Variants in PNLIPRP3 observed in about 807,000 individuals in gnomAD.
The protein encoded by PNLIPRP3 is pancreatic lipase related protein 3, also known as pancreatic lipase-related protein 3.
In PNLIPRP3, 58 loss-of-function variants were observed where a neutral mutation model predicts 52.8. That is an observed-to-expected ratio of 1.10 (90% CI 0.89 to 1.37). The LOEUF (loss-of-function observed/expected upper bound fraction) is 1.37, where lower values mean the gene tolerates loss of function less well. PNLIPRP3 is among the 40% of genes most tolerant of loss of function. PNLIPRP3 has a pLI of 0.00. For synonymous variants in PNLIPRP3, 192 were observed against 185.0 expected, an observed-to-expected ratio of 1.04 and a Z score of -0.31; for missense variants, 593 against 561.6, an observed-to-expected ratio of 1.06 and a Z score of -0.57.
intron 2 of PNLIPRP3, among the ~76,000 whole-genome samples, chr10:116,439,093 G>A (rs1463264709): frequency 6.6e-6 from 1 of 152,176 alleles, no homozygotes; most frequent in Non-Finnish European, 1.5e-5. Flanking sequence ...CAGTTCTGGA[G>A]AAAGATGGTA....
chr10:116,446,499 G>A (rs1167420516), intron 4 of PNLIPRP3, among the ~76,000 whole-genome samples: 1 of 151,954 alleles, frequency 6.6e-6, no homozygotes, highest in Non-Finnish European at 1.5e-5. Context: ...ATAACTGGTG[G>A]AAAAAAATGG....
chr10:116,458,535 G>A (rs1296943785), intron 5 of PNLIPRP3, among the ~76,000 whole-genome samples: 4 of 151,290 alleles, frequency 2.6e-5, no homozygotes, highest in Admixed American at 1.3e-4. Flanking sequence ...TTCTCTCCAG[G>A]AATCCTGACT....
At chr10:116,465,539 A>C (rs372365620) in intron 7 of PNLIPRP3, among the ~76,000 whole-genome samples, 23 of 149,520 alleles carry the variant, frequency 1.5e-4, no homozygotes, top group South Asian at 1.3e-3. Flanking sequence ...CATCTAAAAA[A>C]AAAACAAAAC....
intron 1 of PNLIPRP3, 133 bp downstream of exon 1, chr10:116,428,194 G>T: frequency 4.7e-6 from 3 of 640,038 alleles, no homozygotes; most frequent in Non-Finnish European, 7.9e-6. Flanking sequence ...TTGTTTTTAT[G>T]AATATGTTTA....
chr10:116,476,615 C>T (rs1422559892), intron 10 of PNLIPRP3, 37 bp from the exon 11 acceptor site: 2 of 1,495,512 alleles, frequency 1.3e-6, no homozygotes, highest in Non-Finnish European at 1.8e-6. Flanking sequence ...GCTGTGAATA[C>T]CCAGTGCAAA....
chr10:116,434,658 A>G (rs968981780), intron 1 of PNLIPRP3, among the ~76,000 whole-genome samples: 4 of 152,196 alleles, frequency 2.6e-5, no homozygotes, highest in African/African-American at 4.8e-5. Context: ...AGTTATAAAA[A>G]TCTTCATTTT....
At position 116,461,413 on chromosome 10, in the gene PNLIPRP3, T is replaced by G. The variant is rs1589986884; in HGVS notation, c.808+123T>G. On this transcript the variant is annotated intron_variant, in intron 7 of 11. Transcript: ENST00000369230. ...AATGTATTTTCTCTCAAAACACAGT[T>G]GCATATAAGAAGCTCTCCCACCTGT... The G allele has an allele frequency of 4.1e-6, 5 of 1,217,842 alleles. No homozygotes were observed. In the East Asian group the frequency reaches 1.2e-4, roughly 30 times the overall value. The allele number at this position is 1,217,842 out of a possible 1,614,324, so 75.4% of individuals were successfully genotyped here.
Position 116,477,098 on chromosome 10 carries a change from T to G in PNLIPRP3, c.1349T>G (p.Phe450Cys). The change falls in exon 12 of 12, where the codon TTC (phenylalanine) becomes TGC (cysteine). Residue 450 changes from phenylalanine to cysteine, a missense_variant. Physicochemically the swap from Phe to Cys is radical, Grantham distance 205. Transcript: ENST00000369230. Reference sequence around the variant, plus strand: ...TCCTTAAAAACTTTCAGATCTACCTTCTGTAGCCAAGACATTATGGGACCT... The same window carrying G: ...TCCTTAAAAACTTTCAGATCTACCTGCTGTAGCCAAGACATTATGGGACCT... ...TSGKYGYKST[F>C]CSQDIMGPNI... is the part of the protein sequence containing the mutation. 1 of 1,593,192 alleles carries G rather than the reference T, an allele frequency of 6.3e-7. No homozygotes were observed. The highest frequency in any genetic ancestry group is 2.2e-5 in the East Asian group (1 of 44,592).
chr10:116,461,091 T>A lies in PNLIPRP3; in HGVS notation c.685+6T>A. ...TCGCATCCTCTTTGAGCTTGGTAAG[T>A]TTTAACAGAATCAGAAACTTCATTG... On this transcript the variant is annotated splice_donor_region_variant and intron_variant, in intron 6 of 11. Transcript: ENST00000369230. The A allele has an allele frequency of 1.2e-6, 2 of 1,614,156 alleles. No homozygotes were observed. Among genetic ancestry groups the A allele is most frequent in the Non-Finnish European group, 1.7e-6 (2 of 1,180,022 alleles).
chr10:116,471,319 A>G lies in PNLIPRP3; in HGVS notation c.1061-449A>G, dbSNP rs143290332. Among the ~76,000 whole-genome samples, 227 of 152,312 alleles carry G rather than the reference A, an allele frequency of 1.5e-3. 1 individual carries two copies. The highest frequency in any genetic ancestry group is 5.2e-3 in the African/African-American group (215 of 41,568). On this transcript the variant is annotated intron_variant, in intron 9 of 11. Coordinates refer to ENST00000369230, the MANE Select transcript of PNLIPRP3 (RefSeq NM_001011709.3). The stretch of plus-strand genomic sequence containing the variant: ...AAGAAGAATGACTCACTTTGCCTCT[A>G]AATGATTATAAAAGCATACATCTTC...
chr10:116,434,954 T>C (rs1845754021), intron 1 of PNLIPRP3, among the ~76,000 whole-genome samples: 1 of 152,066 alleles, frequency 6.6e-6, no homozygotes, highest in Non-Finnish European at 1.5e-5. Context: ...ACACAAACAG[T>C]ACAAGAGAGG....
In PNLIPRP3 at chr10:116,469,361, T is replaced by C. The variant is rs1338923436; in HGVS notation, c.1060+44T>C. 2.6e-6 allele frequency: 4 copies of C among 1,525,214 alleles called. No homozygotes were observed. The South Asian group carries it at 3.9e-5, about 15-fold the overall frequency. The allele number at this position is 1,525,214 out of a possible 1,614,324, so 94.5% of individuals were successfully genotyped here. A position where few individuals can be genotyped will look rare whatever the true frequency, so the allele number is the denominator to read the frequency against. ...TTTAATTGTAATGCTTTAAGGTACT[T>C]ATCTTTAAAAATTCAACAGTTTTTA... On this transcript the variant is annotated intron_variant, in intron 9 of 11. Transcript: ENST00000369230.
chr10:116,469,392 T>TA, intron 9 of PNLIPRP3, 75 bp downstream of exon 9: 7 of 1,415,536 alleles, frequency 4.9e-6, no homozygotes, highest in South Asian at 3.0e-5. Context: ...TTTTATTGAG[T>TA]GTCTACTAAA....
intron 4 of PNLIPRP3, among the ~76,000 whole-genome samples, chr10:116,453,988 T>A (rs895127451): frequency 6.6e-6 from 1 of 151,856 alleles, no homozygotes; most frequent in African/African-American, 2.4e-5. Flanking sequence ...CCTGTGTCCA[T>A]GTGTTCTCAT....
At chr10:116,453,957 C>A (rs572239866) in intron 4 of PNLIPRP3, among the ~76,000 whole-genome samples, 1 of 152,032 alleles carries the variant, frequency 6.6e-6, no homozygotes, top group African/African-American at 2.4e-5. Context: ...CCCAACAGGC[C>A]GCACGATGTG....
rs966909271 is a variant in PNLIPRP3 at position 116,428,829 on chromosome 10, C to T, written c.49+768C>T. Among the ~76,000 whole-genome samples the T allele has an allele frequency of 1.4e-4, 22 of 152,122 alleles. 2 individuals are homozygous for T. Among genetic ancestry groups the T allele is most frequent in the Admixed American group, 1.3e-3 (20 of 15,236 alleles). On this transcript the variant is annotated intron_variant, in intron 1 of 11. Coordinates refer to ENST00000369230, the MANE Select transcript of PNLIPRP3 (RefSeq NM_001011709.3). ...TCAACCCCTTTGTTGTAAAGTATCACGTAGTTGGTTGAGATAGTATGGTGG... is the reference window on the plus strand; with the variant it reads ...TCAACCCCTTTGTTGTAAAGTATCATGTAGTTGGTTGAGATAGTATGGTGG...
intron 7 of PNLIPRP3, among the ~76,000 whole-genome samples, chr10:116,461,867 G>C (rs949944293): frequency 5.9e-5 from 9 of 152,130 alleles, no homozygotes; most frequent in African/African-American, 1.9e-4. Context: ...CAGGCCAACA[G>C]GGGGAAGCAA....
rs532661333 is a variant in PNLIPRP3, at chr10:116,447,490, T to C, written c.456+2977T>C. Among the ~76,000 whole-genome samples, 6 of 152,246 alleles carry C rather than the reference T, an allele frequency of 3.9e-5. No individual in the cohort carries two copies. The East Asian group carries it at 1.2e-3, about 29-fold the overall frequency. ...GAAACTAACCCTAATGAAACAGAGATATATGATTTAACTGACAGAGAATTC... is the reference window on the plus strand; with the variant it reads ...GAAACTAACCCTAATGAAACAGAGACATATGATTTAACTGACAGAGAATTC... On this transcript the variant is annotated intron_variant, in intron 4 of 11. Transcript: ENST00000369230.
intron 4 of PNLIPRP3, among the ~76,000 whole-genome samples, chr10:116,451,738 G>A (rs1300308560): frequency 2.0e-5 from 3 of 152,116 alleles, no homozygotes; most frequent in African/African-American, 7.2e-5. Context: ...CTGGCACTAT[G>A]CTTTATGTAT....
Sources: allele counts gnomAD v4.1 joint callset (sites outside exome capture counted in the v4.1 genomes callset), GRCh38; gene constraint gnomAD v4.1.1; transcripts MANE v1.5; gene names NCBI Gene and HGNC (gene_info 2026-07-23, HGNC 2026-07-21).